The following PRH1 variants were observed in gnomAD, a reference collection of about 807,000 sequenced individuals.
PRH1 encodes the protein proline rich protein HaeIII subfamily 1.
In PRH1, 7 loss-of-function variants were observed where a neutral mutation model predicts 7.9. That is an observed-to-expected ratio of 0.89 (90% CI 0.50 to 1.67). PRH1 has a LOEUF of 1.67. PRH1 is among the 40% of genes most tolerant of loss of function. The pLI, the probability that PRH1 is intolerant of heterozygous loss-of-function variation, is 0.00. For missense variants in PRH1, 109 were observed against 223.6 expected (o/e 0.49, Z 3.27); for synonymous variants, 45 against 80.8 (o/e 0.56, Z 2.38).
intron 1 of PRH1, chr12:11,134,263 A>C (rs1283157651): frequency 3.8e-6 from 6 of 1,590,596 alleles, no homozygotes; most frequent in Middle Eastern, 1.7e-4. Flanking sequence ...AGACAAAAAG[A>C]AATTTTTAAA....
chr12:11,001,387 T>C (rs985801912), intron 1 of PRH1, among the ~76,000 whole-genome samples: 12 of 152,172 alleles, frequency 7.9e-5, no homozygotes, highest in African/African-American at 2.9e-4. Context: ...AGGTGAGATA[T>C]AGAAGATGTG....
chr12:11,160,129 C>G (rs1282412408), intron 1 of PRH1, among the ~76,000 whole-genome samples: 2 of 152,136 alleles, frequency 1.3e-5, no homozygotes, highest in African/African-American at 2.4e-5. Context: ...CACTTGAATA[C>G]AAATATCTTA....
At chr12:10,975,319 C>T (rs1009824122) in intron 1 of PRH1, among the ~76,000 whole-genome samples, 1 of 152,088 alleles carries the variant, frequency 6.6e-6, no homozygotes, top group African/African-American at 2.4e-5. Context: ...CGTATCCACC[C>T]AAACTAAGCT....
At chr12:11,171,375 C>T in intron 1 of PRH1, 1 of 1,231,954 alleles carries the variant, frequency 8.1e-7, no homozygotes, top group Non-Finnish European at 1.0e-6. Flanking sequence ...CGCGGCGGCT[C>T]CGTCCTCCTT....
In PRH1 at chr12:11,088,564, A is replaced by G. The variant is rs1944785641; in HGVS notation, n.124-41376T>C. 1.8e-5 allele frequency among the ~76,000 whole-genome samples: 2 copies of G among 111,028 alleles called. 1 individual carries two copies. Among genetic ancestry groups the G allele is most frequent in the Non-Finnish European group, 4.2e-5 (2 of 47,576 alleles). The allele number at this position is 111,028 out of a possible 152,430, so 72.8% of individuals were successfully genotyped here. On this transcript the variant is annotated intron_variant and non_coding_transcript_variant, in intron 1 of 4. Coordinates refer to the PRH1 transcript ENST00000541977. ...AACAATCTTTTTTACAGTATATGGC[A>G]TGTTGCTCTCTCTATAAATTTCCTA...
intron 1 of PRH1, among the ~76,000 whole-genome samples, chr12:11,055,744 T>C (rs1405231293): frequency 2.0e-5 from 3 of 152,240 alleles, no homozygotes; most frequent in Admixed American, 6.5e-5. Context: ...TGCTGAGCAA[T>C]GGCAGTTGTA....
At position 11,078,172 on chromosome 12, in the gene PRH1, T is replaced by C. The variant is rs533624759; in HGVS notation, n.124-30984A>G. ...GACATTTACTAGAGCTATGAAGCCA[T>C]TGGAAAAATTTCCAAGAACAAATGC... On this transcript the variant is annotated intron_variant and non_coding_transcript_variant, in intron 1 of 4. Coordinates refer to the PRH1 transcript ENST00000541977. 80 of 531,244 alleles carry C rather than the reference T, an allele frequency of 1.5e-4. 7 individuals are homozygous for C. The highest frequency in any genetic ancestry group is 1.1e-3 in the East Asian group (40 of 37,248). The allele number at this position is 531,244 out of a possible 1,614,324, so 32.9% of individuals were successfully genotyped here. A position where few individuals can be genotyped will look rare whatever the true frequency, so the allele number is the denominator to read the frequency against.
chr12:11,137,687 A>G (rs1230785780), intron 1 of PRH1, among the ~76,000 whole-genome samples: 2 of 152,188 alleles, frequency 1.3e-5, no homozygotes, highest in Non-Finnish European at 1.5e-5. Context: ...AACTACACTT[A>G]ATTTCTAAAT....
At chr12:11,133,152 T>TAC in intron 1 of PRH1, 1 of 1,024,458 alleles carries the variant, frequency 9.8e-7, no homozygotes, top group Non-Finnish European at 1.4e-6. Context: ...CATCTATATA[T>TAC]ATGTACTTTT....
At chr12:10,962,454 A>C (rs16926148) in intron 2 of PRH1, among the ~76,000 whole-genome samples, 2,322 of 152,222 alleles carry the variant, frequency 0.015, 21 homozygotes, top group South Asian at 0.031. Flanking sequence ...CCATGTTTTT[A>C]GTCTGATATA....
intron 1 of PRH1, among the ~76,000 whole-genome samples, chr12:11,113,957 A>G (rs1945661063): frequency 6.6e-6 from 1 of 152,216 alleles, no homozygotes; most frequent in South Asian, 2.1e-4. Flanking sequence ...AACCACAATG[A>G]GATACCATCT....
intron 2 of PRH1, among the ~76,000 whole-genome samples, chr12:10,953,765 C>G (rs944421441): frequency 6.6e-6 from 1 of 152,012 alleles, no homozygotes; most frequent in African/African-American, 2.4e-5. Flanking sequence ...GCAGAGAACC[C>G]CTACGAAATA....
At chr12:10,917,958 T>C (rs1949995812) in intron 2 of PRH1, among the ~76,000 whole-genome samples, 1 of 152,218 alleles carries the variant, frequency 6.6e-6, no homozygotes, top group Admixed American at 6.5e-5. Flanking sequence ...GCTGAGCAGA[T>C]ATCAGTGCCT....
At chr12:11,012,969 G>C (rs1453756508) in intron 1 of PRH1, among the ~76,000 whole-genome samples, 1 of 152,136 alleles carries the variant, frequency 6.6e-6, no homozygotes, top group African/African-American at 2.4e-5. Context: ...TCATCACAGA[G>C]TTGTACAAGC....
chr12:11,124,838 T>C (rs985922177), intron 1 of PRH1, among the ~76,000 whole-genome samples: 3 of 152,142 alleles, frequency 2.0e-5, no homozygotes, highest in Non-Finnish European at 2.9e-5. Context: ...TTCTTTCTCA[T>C]GGATTTACGA....
At chr12:11,117,129 G>A (rs578139001), downstream of PRH1, among the ~76,000 whole-genome samples, 9 of 152,084 alleles carry the variant, frequency 5.9e-5, no homozygotes, top group Admixed American at 1.3e-4. Flanking sequence ...GTCAAATTAC[G>A]CTTGTTTGTA....
chr12:11,022,456 C>G (rs144411302), intron 1 of PRH1: 9 of 1,586,788 alleles, frequency 5.7e-6, no homozygotes, highest in Middle Eastern at 1.7e-4. Flanking sequence ...GGAGATCTTT[C>G]GTGTGTTAAC....
In PRH1 at chr12:11,090,898, T is replaced by A. The variant is rs1444824060; in HGVS notation, n.124-43710A>T. Among the ~76,000 whole-genome samples, 24 of 111,506 alleles carry A rather than the reference T, an allele frequency of 2.2e-4. 7 individuals carry two copies. Among genetic ancestry groups the A allele is most frequent in the Non-Finnish European group, 3.8e-4 (18 of 47,538 alleles). The allele number at this position is 111,506 out of a possible 152,430, so 73.2% of individuals were successfully genotyped here. On this transcript the variant is annotated intron_variant and non_coding_transcript_variant, in intron 1 of 4. Coordinates refer to the PRH1 transcript ENST00000541977. ...ATAACAATAGAAAAGAGCAATATTT[T>A]TCCGGGGATAAGCTCTTACTTCTTA...
At chr12:11,155,384 G>A (rs571553394) in intron 1 of PRH1, among the ~76,000 whole-genome samples, 20 of 152,168 alleles carry the variant, frequency 1.3e-4, no homozygotes, top group Admixed American at 1.2e-3. Context: ...ACAGAAACCT[G>A]GAAAAATGAT....
Sources: gnomAD v4.1 joint callset for allele counts (sites outside exome capture counted in the v4.1 genomes callset) on GRCh38, gnomAD v4.1.1 for gene constraint, MANE v1.5 for transcripts, NCBI Gene and HGNC (gene_info 2026-07-23, HGNC 2026-07-21) for gene names.